KIF1B: variants seen among roughly 807,000 people sequenced by gnomAD.
KIF1B encodes kinesin-like protein KIF1B.
A neutral mutation model predicts 241.9 loss-of-function variants in KIF1B; 76 were observed. That is an observed-to-expected ratio of 0.31 (90% CI 0.26 to 0.38). KIF1B has a LOEUF of 0.38. KIF1B is among the 10% of genes least tolerant of loss of function. The pLI, the probability that KIF1B is intolerant of heterozygous loss-of-function variation, is 1.00. For synonymous variants in KIF1B, 750 were observed against 796.7 expected (o/e 0.94, Z 0.99); for missense variants, 1,622 against 2,271.4 (o/e 0.71, Z 5.81).
intron 22 of KIF1B, among the ~76,000 whole-genome samples, chr1:10,314,244 A>T (rs1651205886): frequency 6.6e-6 from 1 of 151,540 alleles, no homozygotes; most frequent in Non-Finnish European, 1.5e-5. Flanking sequence ...GAACAGAACG[A>T]TAGTATGTGA....
intron 9 of KIF1B, among the ~76,000 whole-genome samples, chr1:10,272,611 G>A (rs557346533): frequency 1.3e-5 from 2 of 151,806 alleles, no homozygotes; most frequent in Admixed American, 6.5e-5. Flanking sequence ...TATATTTATT[G>A]TCTCTTCTTT....
At chr1:10,321,685 A>G (rs576557280) in intron 23 of KIF1B, 24 bp from the exon 24 acceptor site, 1 of 1,612,720 alleles carries the variant, frequency 6.2e-7, no homozygotes, top group Admixed American at 1.7e-5. Context: ...ATTGCCATTA[A>G]ATATGCATCA....
At chr1:10,346,894 G>T (rs1652609921) in intron 35 of KIF1B, among the ~76,000 whole-genome samples, 1 of 152,086 alleles carries the variant, frequency 6.6e-6, no homozygotes, top group African/African-American at 2.4e-5. Flanking sequence ...AGCATCCTTG[G>T]CCCCTACCCA....
intron 17 of KIF1B, among the ~76,000 whole-genome samples, chr1:10,294,327 ATAAAT>A (rs1271216477): frequency 2.0e-5 from 3 of 152,230 alleles, no homozygotes; most frequent in South Asian, 2.1e-4. Context: ...GTAAAGACTA[ATAAAT>A]TAAAATCTTT....
intron 44 of KIF1B, among the ~76,000 whole-genome samples, chr1:10,369,887 G>C (rs1569919376): frequency 6.6e-6 from 1 of 151,604 alleles, no homozygotes; most frequent in Non-Finnish European, 1.5e-5. Context: ...AGCCAAGATC[G>C]TGCCATTGCA....
intron 38 of KIF1B, among the ~76,000 whole-genome samples, chr1:10,359,533 A>G (rs1171950746): frequency 6.6e-6 from 1 of 152,216 alleles, no homozygotes; most frequent in Non-Finnish European, 1.5e-5. Context: ...TACCAGTAGA[A>G]AAAAAACGAT....
rs1266897894 is a variant in KIF1B, at chr1:10,379,811, T to G, written c.*3224T>G. ...AGACCCTCTCTGTGTCTGTGTGCCCTCCTGGGAGTCAGTCAGCGCTCAGGC... is the reference window on the plus strand; with the variant it reads ...AGACCCTCTCTGTGTCTGTGTGCCCGCCTGGGAGTCAGTCAGCGCTCAGGC... On this transcript the variant is annotated 3_prime_UTR_variant, in exon 49 of 49. Transcript: ENST00000676179. 2 of 230,016 alleles carry G rather than the reference T, an allele frequency of 8.7e-6. No homozygotes were observed. The highest frequency in any genetic ancestry group is 1.7e-5 in the Non-Finnish European group (2 of 116,166). 14.2% of individuals were successfully genotyped at this position (230,016 alleles called of 1,614,324 possible). A position where few individuals can be genotyped will look rare whatever the true frequency, so the allele number is the denominator to read the frequency against.
chr1:10,273,431 A>G (rs750695403), intron 10 of KIF1B, among the ~76,000 whole-genome samples: 13 of 152,032 alleles, frequency 8.6e-5, no homozygotes, highest in Non-Finnish European at 1.5e-4. Flanking sequence ...GCGCGTGCCC[A>G]TAGTGTCCCA....
rs940778157 is a variant in KIF1B, at chr1:10,358,608, G to A, written c.4056-2321G>A. On this transcript the variant is annotated intron_variant, in intron 38 of 48. Transcript: ENST00000676179. ...TGAGGCAGGAGAATCACTTGAACCC[G>A]GCATGAGGAGGTTGCAGTGAGCCAA... Among the ~76,000 whole-genome samples the A allele has an allele frequency of 6.0e-5, 9 of 151,208 alleles. No homozygotes were observed. In the East Asian group the frequency reaches 9.7e-4, roughly 16 times the overall value.
At chr1:10,258,197 G>C (rs1269563434) in intron 3 of KIF1B, among the ~76,000 whole-genome samples, 1 of 152,206 alleles carries the variant, frequency 6.6e-6, no homozygotes, top group Non-Finnish European at 1.5e-5. Flanking sequence ...ATGAAAGAGT[G>C]ATACTTTTAA....
At chr1:10,261,867 T>C in intron 4 of KIF1B, 38 bp from the exon 5 acceptor site, 1 of 1,379,188 alleles carries the variant, frequency 7.3e-7, no homozygotes, top group Non-Finnish European at 1.0e-6. Flanking sequence ...ACTCCTCTCA[T>C]TTGTGCTCTT....
At chr1:10,213,440 A>T (rs1646723107) in intron 1 of KIF1B, among the ~76,000 whole-genome samples, 1 of 152,146 alleles carries the variant, frequency 6.6e-6, no homozygotes, top group Admixed American at 6.6e-5. Context: ...TAAGTGTCCA[A>T]GAAAGTCTGC....
chr1:10,297,169 T>C lies in KIF1B; in HGVS notation c.2043-5T>C, dbSNP rs1211569636. On this transcript the variant is annotated splice_region_variant and splice_polypyrimidine_tract_variant and intron_variant, in intron 21 of 48. Coordinates refer to ENST00000676179, the MANE Select transcript of KIF1B (RefSeq NM_001365951.3). ...TTGAATTTTTTTTTTTTTTTTTACT[T>C]CTAGGCTACAGGAAATGGAGATCTT... is the stretch of plus-strand genomic sequence containing the variant. 1.9e-6 allele frequency: 3 copies of C among 1,608,458 alleles called. No homozygotes were observed. The East Asian group carries it at 6.7e-5, about 36-fold the overall frequency.
At chr1:10,254,198 A>G (rs1010007965) in intron 2 of KIF1B, among the ~76,000 whole-genome samples, 1 of 152,258 alleles carries the variant, frequency 6.6e-6, no homozygotes, top group Non-Finnish European at 1.5e-5. Flanking sequence ...CCTGAAATAT[A>G]GTGTGACTGG....
chr1:10,268,125 C>T (rs1367948090), intron 6 of KIF1B, 27 bp from the exon 7 acceptor site: 2 of 1,480,096 alleles, frequency 1.4e-6, no homozygotes, highest in African/African-American at 1.4e-5. Context: ...ATTCCCTTGT[C>T]ACGTGGTCAC....
intron 20 of KIF1B, 54 bp downstream of exon 20, chr1:10,296,719 C>A: frequency 6.5e-7 from 1 of 1,531,458 alleles, no homozygotes; most frequent in Non-Finnish European, 9.0e-7. Flanking sequence ...GCTTCTGTGA[C>A]AACTCTAATT....
At chr1:10,348,990 A>G (rs1163382161) in intron 37 of KIF1B, among the ~76,000 whole-genome samples, 2 of 152,194 alleles carry the variant, frequency 1.3e-5, no homozygotes, top group East Asian at 3.9e-4. Flanking sequence ...GTAGAAGACC[A>G]TATTCGGAAA....
chr1:10,297,020 C>T lies in KIF1B; in HGVS notation c.1985C>T (p.Ala662Val), dbSNP rs1450701277. 1 of 1,613,924 alleles carries T rather than the reference C, an allele frequency of 6.2e-7. No individual in the cohort carries two copies. The highest frequency in any genetic ancestry group is 1.1e-5 in the South Asian group (1 of 91,072). The change falls in exon 21 of 49, where the codon GCC becomes GTC. Residue 662 changes from alanine to valine, a missense_variant. Transcript: ENST00000676179. ...TCTGAGCCTGTGGACTGGACATTTG[C>T]CCAGAGGGAGCTTCTGGAAAAACAA... ...TPSEPVDWTF[A>V]QRELLEKQGI...
chr1:10,338,242 G>A (rs1213316976), intron 31 of KIF1B, among the ~76,000 whole-genome samples: 1 of 152,116 alleles, frequency 6.6e-6, no homozygotes, highest in East Asian at 1.9e-4. Flanking sequence ...CCACCAAGAG[G>A]CTGCTTTGGG....
Sources: gnomAD v4.1 joint callset for allele counts (sites outside exome capture counted in the v4.1 genomes callset) on GRCh38, gnomAD v4.1.1 for gene constraint, MANE v1.5 for transcripts, NCBI Gene and HGNC (gene_info 2026-07-23, HGNC 2026-07-21) for gene names.